PID1: variants seen among roughly 807,000 people sequenced by gnomAD.
PID1 encodes PTB-containing, cubilin and LRP1-interacting protein.
A neutral mutation model predicts 19.1 loss-of-function variants in PID1; 10 were observed. That is an observed-to-expected ratio of 0.52 (90% CI 0.32 to 0.89). PID1 has a LOEUF of 0.89. PID1 is among the 40% of genes least tolerant of loss of function. PID1 has a pLI of 0.03. For missense variants in PID1, 248 were observed against 285.3 expected (o/e 0.87, Z 0.94); for synonymous variants, 130 against 116.0 (o/e 1.12, Z -0.78).
intron 2 of PID1, among the ~76,000 whole-genome samples, 182 bp downstream of exon 2, chr2:229,155,636 G>T (rs1262552061): frequency 6.6e-6 from 1 of 152,138 alleles, no homozygotes; most frequent in Non-Finnish European, 1.5e-5. Context: ...ATAGTGTTAG[G>T]TCATTTAGAA....
At chr2:229,229,248 C>G (rs142101687) in intron 1 of PID1, among the ~76,000 whole-genome samples, 175 of 152,300 alleles carry the variant, frequency 1.1e-3, no homozygotes, top group African/African-American at 3.6e-3. Context: ...CACCTTCTCT[C>G]AGAATGTTGC....
chr2:229,235,179 G>A (rs1692296885), intron 1 of PID1, among the ~76,000 whole-genome samples: 1 of 152,120 alleles, frequency 6.6e-6, no homozygotes, highest in Non-Finnish European at 1.5e-5. Flanking sequence ...GCCATCAAAA[G>A]TTTGACCCCT....
intron 2 of PID1, among the ~76,000 whole-genome samples, chr2:229,115,179 C>T (rs1289958754): frequency 6.6e-6 from 1 of 152,124 alleles, no homozygotes; most frequent in East Asian, 1.9e-4. Context: ...AGGTACACTC[C>T]TCATTGAGGT....
chr2:229,264,148 G>A (rs901005459), intron 1 of PID1, among the ~76,000 whole-genome samples: 3 of 152,132 alleles, frequency 2.0e-5, no homozygotes, highest in East Asian at 1.9e-4. Context: ...TACTTGCCAC[G>A]CTATATAACC....
At chr2:229,105,499 G>C (rs968848760) in intron 2 of PID1, among the ~76,000 whole-genome samples, 5 of 152,170 alleles carry the variant, frequency 3.3e-5, no homozygotes, top group African/African-American at 1.2e-4. Context: ...AAATGGGTGG[G>C]GCTAGGGGCA....
At chr2:229,160,292 G>A (rs1690465988) in intron 1 of PID1, among the ~76,000 whole-genome samples, 1 of 152,062 alleles carries the variant, frequency 6.6e-6, no homozygotes, top group African/African-American at 2.4e-5. Flanking sequence ...GAAAGGTGTG[G>A]ACCAGCACAC....
At chr2:229,151,299 G>A (rs2106191133) in intron 2 of PID1, among the ~76,000 whole-genome samples, 1 of 152,266 alleles carries the variant, frequency 6.6e-6, no homozygotes, top group South Asian at 2.1e-4. Context: ...GGGAGCACAG[G>A]CTGTGGAGTC....
intron 1 of PID1, among the ~76,000 whole-genome samples, chr2:229,210,791 G>C (rs1259748013): frequency 6.6e-6 from 1 of 152,116 alleles, no homozygotes; most frequent in Non-Finnish European, 1.5e-5. Flanking sequence ...GCAAGCTCTG[G>C]TATCTGCCAG....
At chr2:229,125,141 G>A (rs966325745) in intron 2 of PID1, among the ~76,000 whole-genome samples, 1 of 152,106 alleles carries the variant, frequency 6.6e-6, no homozygotes, top group Non-Finnish European at 1.5e-5. Flanking sequence ...GAGCAAAAAT[G>A]ATGTGTGTCT....
rs2106158619 is a variant in PID1 at position 229,024,136 on chromosome 2, G to A, written c.*1496C>T. On this transcript the variant is annotated 3_prime_UTR_variant, in exon 3 of 3. Transcript: ENST00000392055. Reference sequence around the variant, plus strand: ...GCTTATTCTACATGCCTGAAAACTGGGCCCACACACAGGGGCACACGTACA... The same window carrying A: ...GCTTATTCTACATGCCTGAAAACTGAGCCCACACACAGGGGCACACGTACA... The A allele has an allele frequency of 6.6e-6, 1 of 152,578 alleles. No individual in the cohort carries two copies. The highest frequency in any genetic ancestry group is 1.9e-4 in the East Asian group (1 of 5,180). The allele number at this position is 152,578 out of a possible 1,614,324, so 9.5% of individuals were successfully genotyped here.
chr2:229,083,652 G>A lies in PID1; in HGVS notation c.178-57544C>T, dbSNP rs185537055. ...TATTCTCATTCTGTAGTGAGTGTCA[G>A]AAATAATTCCATTATGAAAAGATCT... On this transcript the variant is annotated intron_variant, in intron 2 of 2. Transcript: ENST00000392055. Among the ~76,000 whole-genome samples, 3 of 152,312 alleles carry A rather than the reference G, an allele frequency of 2.0e-5. No homozygotes were observed. The East Asian group carries it at 5.8e-4, about 29-fold the overall frequency.
chr2:229,042,800 G>T (rs1347253737), intron 2 of PID1, among the ~76,000 whole-genome samples: 1 of 152,166 alleles, frequency 6.6e-6, no homozygotes, highest in East Asian at 1.9e-4. Context: ...TGGAACCACA[G>T]ATTTTCTGCT....
intron 2 of PID1, among the ~76,000 whole-genome samples, chr2:229,085,327 A>G (rs1251626502): frequency 1.3e-5 from 2 of 152,102 alleles, no homozygotes; most frequent in Non-Finnish European, 2.9e-5. Flanking sequence ...CAAGAAGTCC[A>G]TGAAAGATCT....
chr2:229,227,470 T>C (rs78972631), intron 1 of PID1, among the ~76,000 whole-genome samples: 14 of 152,176 alleles, frequency 9.2e-5, no homozygotes, highest in Non-Finnish European at 1.6e-4. Context: ...GCTATCACAA[T>C]TTACTGAAGT....
At chr2:229,189,167 C>T (rs1462521459) in intron 1 of PID1, among the ~76,000 whole-genome samples, 2 of 152,172 alleles carry the variant, frequency 1.3e-5, no homozygotes, top group Non-Finnish European at 2.9e-5. Flanking sequence ...CAAAAGAGTG[C>T]CTTTCAGTCA....
chr2:229,205,257 CTACA>C lies in PID1; in HGVS notation c.31-49297_31-49294del, dbSNP rs1251842721. ...CATACATACTACATACACACACATA[CTACA>C]TACACACACAAACACACACATACTA... On this transcript the variant is annotated intron_variant, in intron 1 of 2. Transcript: ENST00000392055. Among the ~76,000 whole-genome samples, 9 of 148,258 alleles carry C rather than the reference CTACA, an allele frequency of 6.1e-5. No individual in the cohort carries two copies. The East Asian group carries it at 1.7e-3, about 28-fold the overall frequency.
intron 2 of PID1, among the ~76,000 whole-genome samples, chr2:229,069,164 T>TGTGC (rs1440935339): frequency 9.9e-5 from 15 of 151,784 alleles, no homozygotes; most frequent in Non-Finnish European, 1.9e-4. Flanking sequence ...TGTGTGTGTG[T>TGTGC]GTGTGTGTGT....
At chr2:229,028,840 C>G (rs2106162953) in intron 2 of PID1, among the ~76,000 whole-genome samples, 1 of 152,138 alleles carries the variant, frequency 6.6e-6, no homozygotes, top group South Asian at 2.1e-4. Context: ...GTTGCCCAAA[C>G]AATTTCATAC....
intron 2 of PID1, among the ~76,000 whole-genome samples, chr2:229,028,261 A>G (rs1192789134): frequency 6.6e-6 from 1 of 152,228 alleles, no homozygotes; most frequent in African/African-American, 2.4e-5. Context: ...AAATTTATTT[A>G]TGATTATGAT....
Sources: allele counts gnomAD v4.1 joint callset (sites outside exome capture counted in the v4.1 genomes callset), GRCh38; gene constraint gnomAD v4.1.1; transcripts MANE v1.5; gene names NCBI Gene and HGNC (gene_info 2026-07-23, HGNC 2026-07-21).